The following ESR1 variants were observed in gnomAD, a reference collection of about 807,000 sequenced individuals.
ESR1 encodes the protein estrogen receptor 1, also known as estrogen receptor.
ESR1 carries 12 observed loss-of-function variants against 52.7 expected under a neutral mutation model. The ratio of observed to expected loss-of-function variants is 0.23; its 90% CI spans 0.15 to 0.37. The LOEUF (loss-of-function observed/expected upper bound fraction) is 0.37. Among genes scored for constraint, ESR1 ranks in the 10% least tolerant of loss-of-function variants. The probability of loss-of-function intolerance (pLI) is 1.00; values close to 1 mark genes in which losing one functional copy is unlikely to be tolerated. For missense variants in ESR1, 584 were observed against 779.7 expected, an observed-to-expected ratio of 0.75 and a Z score of 2.99; for synonymous variants, 305 against 316.8, an observed-to-expected ratio of 0.96 and a Z score of 0.39.
In ESR1 at chr6:151,858,821, A is replaced by G. The variant is rs191397111; in HGVS notation, c.643+16034A>G. ...ATTTAAATACTTAATAGTATATTTG[A>G]AATGAAAAGAGTAGAAATTAAAGAC... On this transcript the variant is annotated intron_variant, in intron 2 of 7. Coordinates refer to ENST00000206249, the MANE Select transcript of ESR1 (RefSeq NM_000125.4). Among the ~76,000 whole-genome samples the G allele has an allele frequency of 3.8e-4, 58 of 152,316 alleles. 1 individual carries two copies. Among genetic ancestry groups the G allele is most frequent in the Admixed American group, 3.8e-3 (58 of 15,296 alleles).
chr6:151,670,891 C>T (rs1778033713), intron 1 of ESR1, among the ~76,000 whole-genome samples: 1 of 148,934 alleles, frequency 6.7e-6, no homozygotes, highest in South Asian at 2.2e-4. Flanking sequence ...GCCTCAGCTT[C>T]CCGAGTAGCT....
chr6:151,818,123 C>T (rs144880018), intron 1 of ESR1, among the ~76,000 whole-genome samples: 51 of 152,022 alleles, frequency 3.4e-4, no homozygotes, highest in African/African-American at 1.1e-3. Context: ...TTGTAGAAGA[C>T]GAATTTATGG....
chr6:151,787,040 C>T (rs942773677), intron 2 of ESR1, among the ~76,000 whole-genome samples: 1 of 152,208 alleles, frequency 6.6e-6, no homozygotes, highest in Non-Finnish European at 1.5e-5. Context: ...AACTCCTGAC[C>T]TCAGTTGATC....
At chr6:152,066,624 TG>T (rs2047986123) in intron 6 of ESR1, among the ~76,000 whole-genome samples, 2 of 152,226 alleles carry the variant, frequency 1.3e-5, no homozygotes, top group East Asian at 3.9e-4. Flanking sequence ...TAGTATTAAG[TG>T]GTTCATTGTC....
intron 2 of ESR1, among the ~76,000 whole-genome samples, chr6:151,770,405 T>C (rs1382108549): frequency 6.6e-6 from 1 of 152,138 alleles, no homozygotes; most frequent in East Asian, 1.9e-4. Flanking sequence ...AATATTTATT[T>C]TATAGAATTT....
rs149499800 is a variant in ESR1, at chr6:151,659,800, A to G, written n.73+3037A>G. On this transcript the variant is annotated intron_variant and non_coding_transcript_variant, in intron 1 of 2. Coordinates refer to the ESR1 transcript ENST00000473497. ...ATGAATGTATGTGATGTACACATTC[A>G]TTCAAATGTTTATCCCTAAAATTCA... 2.9e-3 allele frequency among the ~76,000 whole-genome samples: 445 copies of G among 152,388 alleles called. 1 individual carries two copies. Among genetic ancestry groups the G allele is most frequent in the African/African-American group, 3.7e-3 (155 of 41,596 alleles).
chr6:152,006,072 A>G (rs1455540347), intron 4 of ESR1, among the ~76,000 whole-genome samples: 1 of 152,030 alleles, frequency 6.6e-6, no homozygotes, highest in Non-Finnish European at 1.5e-5. Flanking sequence ...CAGAATAGTC[A>G]CAGTGATGGT....
At chr6:152,067,833 A>T (rs1399424851) in intron 6 of ESR1, among the ~76,000 whole-genome samples, 1 of 152,186 alleles carries the variant, frequency 6.6e-6, no homozygotes, top group Non-Finnish European at 1.5e-5. Flanking sequence ...ATCTCAAAAA[A>T]TTTTTAAAAC....
At chr6:151,708,368 CT>C (rs1780334559) in intron 2 of ESR1, among the ~76,000 whole-genome samples, 1 of 152,106 alleles carries the variant, frequency 6.6e-6, no homozygotes, top group Non-Finnish European at 1.5e-5. Context: ...TAAAAAAGTG[CT>C]GTCATTACAA....
chr6:151,884,243 A>G (rs377536875), intron 3 of ESR1, among the ~76,000 whole-genome samples: 1 of 152,316 alleles, frequency 6.6e-6, no homozygotes, highest in East Asian at 1.9e-4. Context: ...TATTTTCTAC[A>G]ACATGGAATA....
At chr6:151,914,229 C>A (rs2128444876) in intron 3 of ESR1, among the ~76,000 whole-genome samples, 1 of 150,178 alleles carries the variant, frequency 6.7e-6, no homozygotes, top group African/African-American at 2.4e-5. Context: ...CTCAGATTAT[C>A]CTTTGTACTT....
chr6:151,991,468 A>G (rs1404021709), intron 4 of ESR1, among the ~76,000 whole-genome samples: 1 of 152,172 alleles, frequency 6.6e-6, no homozygotes, highest in African/African-American at 2.4e-5. Context: ...TTGAGCCCTC[A>G]AGGGGCTCCA....
At chr6:151,999,959 C>T (rs1471768302) in intron 4 of ESR1, among the ~76,000 whole-genome samples, 1 of 151,998 alleles carries the variant, frequency 6.6e-6, no homozygotes, top group Non-Finnish European at 1.5e-5. Context: ...GTGTGTGTTT[C>T]AACCTATAAA....
At position 151,851,584 on chromosome 6, in the gene ESR1, G is replaced by A. The variant is rs932935511; in HGVS notation, c.643+8797G>A. ...ACTCTGTCACTGAGGCTGCAGTGCA[G>A]TGGCATTGTGTCAGCTCACAACAAC... On this transcript the variant is annotated intron_variant, in intron 2 of 7. Transcript: ENST00000206249. 1.0e-3 allele frequency among the ~76,000 whole-genome samples: 152 copies of A among 148,512 alleles called. 4 individuals are homozygous for A. The highest frequency in any genetic ancestry group is 4.7e-4 in the Non-Finnish European group (32 of 67,604).
intron 2 of ESR1, among the ~76,000 whole-genome samples, chr6:151,746,670 C>A (rs1238614508): frequency 2.0e-5 from 3 of 152,104 alleles, no homozygotes; most frequent in Admixed American, 2.0e-4. Flanking sequence ...ATTAGGGTGA[C>A]AATATGAATT....
intron 2 of ESR1, among the ~76,000 whole-genome samples, chr6:151,735,773 A>C (rs541606794): frequency 1.3e-5 from 2 of 151,988 alleles, no homozygotes; most frequent in South Asian, 2.1e-4. Flanking sequence ...CTGTGTCCCC[A>C]CTCAAGTCTT....
intron 4 of ESR1, among the ~76,000 whole-genome samples, chr6:151,948,620 C>G (rs1317984494): frequency 6.6e-6 from 1 of 152,152 alleles, no homozygotes; most frequent in Non-Finnish European, 1.5e-5. Flanking sequence ...TGCCGAGTCC[C>G]CCTCTAATCA....
At position 152,093,953 on chromosome 6, in the gene ESR1, C is replaced by G. The variant is rs1214158883; in HGVS notation, c.1370-432C>G. On this transcript the variant is annotated intron_variant, in intron 6 of 7. Transcript: ENST00000206249. ...CATCTAAGCTCTGCCTACCTACTAT[C>G]CGAGTTCCCTAGCAGGTTAGTGACT... 3.9e-5 allele frequency among the ~76,000 whole-genome samples: 6 copies of G among 152,170 alleles called. No individual in the cohort carries two copies. In the East Asian group the frequency reaches 1.2e-3, roughly 29 times the overall value.
In ESR1 at chr6:152,061,209, G is replaced by A. The variant is rs1230408441; in HGVS notation, c.1369+85G>A. 1 of 1,300,808 alleles carries A rather than the reference G, an allele frequency of 7.7e-7. No homozygotes were observed. The highest frequency in any genetic ancestry group is 2.3e-5 in the East Asian group (1 of 43,182). The allele number at this position is 1,300,808 out of a possible 1,614,324, so 80.6% of individuals were successfully genotyped here. On this transcript the variant is annotated intron_variant, in intron 6 of 7. Transcript: ENST00000206249. This position sits in a 1 kb window ranked among gnomAD's most constrained non-coding sequence, Gnocchi z 4.3. ...CCAGATACGATCTACCCACTCCAAAGGCATAATGTCATAAATAGAAAGAAA... is the reference window on the plus strand; with the variant it reads ...CCAGATACGATCTACCCACTCCAAAAGCATAATGTCATAAATAGAAAGAAA...
Sources: gnomAD v4.1 joint callset for allele counts (sites outside exome capture counted in the v4.1 genomes callset) on GRCh38, gnomAD v4.1.1 for gene constraint, Gnocchi (gnomAD v3.1) non-coding constraint, MANE v1.5 for transcripts, NCBI Gene and HGNC (gene_info 2026-07-23, HGNC 2026-07-21) for gene names.